CELF2: variants seen among roughly 807,000 people sequenced by gnomAD.
CELF2 encodes the protein CUG triplet repeat RNA-binding protein 2.
Under a neutral mutation model 62.6 loss-of-function variants are expected in CELF2, and 8 were observed. That is an observed-to-expected ratio of 0.13 (90% CI 0.07 to 0.23). The LOEUF (loss-of-function observed/expected upper bound fraction) is 0.23, where lower values mean the gene tolerates loss of function less well. Ranked by LOEUF, CELF2 falls within the 10% of genes least tolerant of loss-of-function variation. The pLI, the probability that CELF2 is intolerant of heterozygous loss-of-function variation, is 1.00. For missense variants in CELF2, 333 were observed against 671.0 expected (o/e 0.50, Z 5.56); for synonymous variants, 258 against 250.0 (o/e 1.03, Z -0.30).
the CELF2 span, among the ~76,000 whole-genome samples, chr10:10,562,832 A>G: frequency 2.4e-5 from 3 of 125,260 alleles, no homozygotes; most frequent in Non-Finnish European, 3.2e-5. Flanking sequence ...CCACAGCCGT[A>G]TGCTCCGTCC....
the CELF2 span, among the ~76,000 whole-genome samples, chr10:10,604,642 C>G: frequency 6.6e-6 from 1 of 152,162 alleles, no homozygotes; most frequent in Non-Finnish European, 1.5e-5. Context: ...AATTACCTAC[C>G]TGTTCTAGCC....
At chr10:10,835,672 C>G (rs58711285) in intron 1 of CELF2, among the ~76,000 whole-genome samples, 1 of 152,110 alleles carries the variant, frequency 6.6e-6, no homozygotes, top group Non-Finnish European at 1.5e-5. Context: ...TGTGAGCCAC[C>G]ACGCCCAGCC....
the CELF2 span, among the ~76,000 whole-genome samples, chr10:10,516,932 C>G: frequency 7.2e-5 from 11 of 152,046 alleles, no homozygotes; most frequent in Non-Finnish European, 1.0e-4. Flanking sequence ...CGGCACCCAC[C>G]TCTTTTTTCT....
At chr10:11,235,869 T>C (rs537862678) in intron 3 of CELF2, among the ~76,000 whole-genome samples, 8 of 152,210 alleles carry the variant, frequency 5.3e-5, no homozygotes, top group Non-Finnish European at 1.0e-4. Context: ...TTAATCATTT[T>C]TGCTTAAACG....
intron 1 of CELF2, among the ~76,000 whole-genome samples, chr10:10,885,781 G>T (rs1384563383): frequency 6.6e-6 from 1 of 152,030 alleles, no homozygotes; most frequent in East Asian, 1.9e-4. Flanking sequence ...TTGGCTCCTG[G>T]TCTCTTCTTC....
chr10:10,822,183 G>A (rs1190872689), intron 1 of CELF2, among the ~76,000 whole-genome samples: 3 of 152,236 alleles, frequency 2.0e-5, no homozygotes, highest in Non-Finnish European at 4.4e-5. Flanking sequence ...GCTCTGGACT[G>A]GATGTCACCA....
chr10:11,325,870 T>C lies in CELF2; in HGVS notation c.1329T>C (p.Leu443=). Residue 443 remains leucine, a synonymous_variant, in exon 12 of 13, where the codon CTT becomes CTC. Transcript: ENST00000633077. Reference sequence around the variant, plus strand: ...GGGCAAACCTCTTTATTTACCACCTTCCACAGGAATTTGGAGACCAGGACA... The same window carrying C: ...GGGCAAACCTCTTTATTTACCACCTCCCACAGGAATTTGGAGACCAGGACA... ...PEGANLFIYH[L]PQEFGDQDIL... 5 of 1,614,144 alleles carry C rather than the reference T, an allele frequency of 3.1e-6. No homozygotes were observed. The highest frequency in any genetic ancestry group is 4.2e-6 in the Non-Finnish European group (5 of 1,180,020).
At chr10:10,693,563 T>C in the CELF2 span, among the ~76,000 whole-genome samples, 1 of 151,056 alleles carries the variant, frequency 6.6e-6, no homozygotes, top group Non-Finnish European at 1.5e-5. Context: ...TTTCTATTGA[T>C]TGGAATAGTT....
intron 1 of CELF2, among the ~76,000 whole-genome samples, chr10:11,037,471 T>C (rs1220329314): frequency 6.6e-6 from 1 of 152,206 alleles, no homozygotes; most frequent in Non-Finnish European, 1.5e-5. Context: ...TGATCTTTGC[T>C]TTTTATCTGG....
chr10:10,477,691 C>G, the CELF2 span, among the ~76,000 whole-genome samples: 2 of 147,208 alleles, frequency 1.4e-5, no homozygotes, highest in African/African-American at 5.0e-5. Context: ...AATGATTTCA[C>G]ATTTTTAAGA....
the CELF2 span, among the ~76,000 whole-genome samples, chr10:10,748,715 T>C: frequency 8.4e-6 from 1 of 118,428 alleles, no homozygotes; most frequent in Non-Finnish European, 1.6e-5. Flanking sequence ...GCCACTACAC[T>C]CCATCCTGGG....
chr10:10,476,567 C>T, the CELF2 span, among the ~76,000 whole-genome samples: 3 of 151,992 alleles, frequency 2.0e-5, no homozygotes, highest in African/African-American at 4.8e-5. Flanking sequence ...ATCTTTAACC[C>T]AAAGATTTTT....
chr10:11,098,422 A>G lies in CELF2; in HGVS notation c.75-67064A>G, dbSNP rs2050516968. ...CTCCATTTGCCCTTAGGTCAGGCAC[A>G]TTGACGTGAGCTCAAACCCCCATGT... On this transcript the variant is annotated intron_variant, in intron 1 of 12. Transcript: ENST00000633077. This position sits in a 1 kb window ranked among gnomAD's most constrained non-coding sequence, Gnocchi z 4.0. 6.6e-6 allele frequency: 1 copy of G among 152,186 alleles called. No individual in the cohort carries two copies. The highest frequency in any genetic ancestry group is 1.5e-5 in the Non-Finnish European group (1 of 68,072). The allele number at this position is 152,186 out of a possible 1,614,324, so 9.4% of individuals were successfully genotyped here.
At chr10:10,793,159 A>G in the CELF2 span, among the ~76,000 whole-genome samples, 1 of 152,312 alleles carries the variant, frequency 6.6e-6, no homozygotes, top group African/African-American at 2.4e-5. Flanking sequence ...AGCTTATCAA[A>G]TGTCCCATAA....
chr10:10,601,038 C>G, the CELF2 span, among the ~76,000 whole-genome samples: 17 of 152,190 alleles, frequency 1.1e-4, no homozygotes, highest in Admixed American at 4.6e-4. Flanking sequence ...ACAGGCCTTC[C>G]ACAGGCGAGA....
the CELF2 span, among the ~76,000 whole-genome samples, chr10:10,697,696 C>T: frequency 3.9e-5 from 6 of 152,280 alleles, no homozygotes; most frequent in East Asian, 1.2e-3. Flanking sequence ...TTTATAAAGA[C>T]ATGAATCTCA....
chr10:11,116,682 G>GA (rs1454929834), intron 1 of CELF2, among the ~76,000 whole-genome samples: 1 of 152,218 alleles, frequency 6.6e-6, no homozygotes, highest in Non-Finnish European at 1.5e-5. Flanking sequence ...ATTCAGTGAA[G>GA]AAAGAGACCC....
intron 1 of CELF2, among the ~76,000 whole-genome samples, chr10:10,809,628 T>C (rs1017144799): frequency 3.3e-5 from 5 of 152,226 alleles, no homozygotes; most frequent in African/African-American, 9.6e-5. Context: ...GCTTTAGTAC[T>C]TACTTGAAAA....
At chr10:10,564,400 G>A in the CELF2 span, among the ~76,000 whole-genome samples, 1 of 152,056 alleles carries the variant, frequency 6.6e-6, no homozygotes, top group African/African-American at 2.4e-5. Flanking sequence ...TTTTTAAAAA[G>A]CGAACATTTT....
Sources: gnomAD v4.1 joint callset for allele counts (sites outside exome capture counted in the v4.1 genomes callset) on GRCh38, gnomAD v4.1.1 for gene constraint, Gnocchi (gnomAD v3.1) non-coding constraint, MANE v1.5 for transcripts, NCBI Gene and HGNC (gene_info 2026-07-23, HGNC 2026-07-21) for gene names.